PTPRG: variants seen among roughly 807,000 people sequenced by gnomAD.
PTPRG encodes the protein receptor-type tyrosine-protein phosphatase gamma.
In PTPRG, 102 loss-of-function variants were observed where a neutral mutation model predicts 165.3. The observed-to-expected ratio is 0.62, with a 90% CI of 0.53 to 0.73. The LOEUF is 0.73. Ranked by LOEUF, PTPRG falls within the 30% of genes least tolerant of loss-of-function variation. The pLI is 0.00. For synonymous variants in PTPRG, 675 were observed against 669.5 expected (o/e 1.01, Z -0.13); for missense variants, 1,866 against 1,861.4 (o/e 1.00, Z -0.05).
At chr3:61,859,944 T>C (rs1270561508) in intron 2 of PTPRG, among the ~76,000 whole-genome samples, 2 of 152,246 alleles carry the variant, frequency 1.3e-5, no homozygotes, top group Non-Finnish European at 2.9e-5. Flanking sequence ...AGTGTTTCAT[T>C]ATTCTTTCAT....
intron 2 of PTPRG, among the ~76,000 whole-genome samples, chr3:61,949,026 C>T (rs1052607305): frequency 7.8e-6 from 1 of 127,652 alleles, no homozygotes; most frequent in Admixed American, 8.1e-5. Context: ...AGGCACTTAA[C>T]AAAAAAGACA....
intron 2 of PTPRG, among the ~76,000 whole-genome samples, chr3:61,973,218 T>C (rs759586398): frequency 6.6e-6 from 1 of 152,206 alleles, no homozygotes; most frequent in African/African-American, 2.4e-5. Flanking sequence ...GCATTAGCAG[T>C]TTTACCTGCA....
intron 5 of PTPRG, among the ~76,000 whole-genome samples, chr3:62,101,556 T>C (rs1051245564): frequency 4.6e-5 from 7 of 152,380 alleles, no homozygotes; most frequent in African/African-American, 1.7e-4. Context: ...CACAAGTATC[T>C]GAAATGTTCA....
rs184079645 is a variant in PTPRG at position 61,659,774 on chromosome 3, C to T, written c.86-89104C>T. ...ACTTTTCATAACCGATTTACCTAAA[C>T]CAAATAATACTAGTTTTTAAATTCC... On this transcript the variant is annotated intron_variant, in intron 1 of 29. Transcript: ENST00000474889. 1.9e-3 allele frequency among the ~76,000 whole-genome samples: 283 copies of T among 152,160 alleles called. 1 individual carries two copies. The highest frequency in any genetic ancestry group is 6.6e-3 in the African/African-American group (272 of 41,490).
intron 5 of PTPRG, among the ~76,000 whole-genome samples, chr3:62,079,291 T>C (rs188153362): frequency 1.5e-3 from 224 of 152,264 alleles, no homozygotes; most frequent in African/African-American, 5.1e-3. Context: ...AGAGATCAGA[T>C]GAAAATTTGA....
chr3:61,841,012 C>T (rs1057219016), intron 2 of PTPRG, among the ~76,000 whole-genome samples: 12 of 152,042 alleles, frequency 7.9e-5, no homozygotes, highest in African/African-American at 2.9e-4. Flanking sequence ...GAACTCCTGA[C>T]CTCAAGTGAT....
intron 2 of PTPRG, among the ~76,000 whole-genome samples, chr3:61,813,736 C>T (rs1257334697): frequency 6.6e-6 from 1 of 151,980 alleles, no homozygotes; most frequent in Admixed American, 6.5e-5. Context: ...TTTATTCTAA[C>T]AAGCCTATGA....
At chr3:62,129,361 A>G (rs1157770511) in intron 5 of PTPRG, among the ~76,000 whole-genome samples, 1 of 152,194 alleles carries the variant, frequency 6.6e-6, no homozygotes, top group Non-Finnish European at 1.5e-5. Flanking sequence ...TGCATTAAAA[A>G]GTTCCTGTCG....
At chr3:61,790,592 C>T (rs1252052813) in intron 2 of PTPRG, among the ~76,000 whole-genome samples, 1 of 152,170 alleles carries the variant, frequency 6.6e-6, no homozygotes, top group Non-Finnish European at 1.5e-5. Flanking sequence ...TAGATGTATA[C>T]TTTCCCTATG....
intron 6 of PTPRG, among the ~76,000 whole-genome samples, chr3:62,142,814 T>G (rs1703979077): frequency 6.6e-6 from 1 of 152,208 alleles, no homozygotes; most frequent in Non-Finnish European, 1.5e-5. Context: ...GTGACAGGTT[T>G]AAACACAAAG....
chr3:62,092,376 G>C (rs1323690922), intron 5 of PTPRG, among the ~76,000 whole-genome samples: 1 of 146,866 alleles, frequency 6.8e-6, no homozygotes, highest in Non-Finnish European at 1.5e-5. Flanking sequence ...GGAGGCAGAG[G>C]TTTCAGTGAG....
chr3:61,781,970 A>G (rs2034561208), intron 2 of PTPRG, among the ~76,000 whole-genome samples: 1 of 150,934 alleles, frequency 6.6e-6, no homozygotes, highest in Non-Finnish European at 1.5e-5. Context: ...GGCTCAAGCA[A>G]TTCTCTTTCC....
intron 4 of PTPRG, among the ~76,000 whole-genome samples, chr3:62,023,417 C>T (rs1005480149): frequency 2.0e-5 from 3 of 152,106 alleles, no homozygotes; most frequent in Non-Finnish European, 4.4e-5. Context: ...CAGCCAAAGA[C>T]CCTGTTTTTT....
chr3:61,995,036 T>C (rs569005575), intron 3 of PTPRG, among the ~76,000 whole-genome samples: 1 of 151,732 alleles, frequency 6.6e-6, no homozygotes, highest in African/African-American at 2.4e-5. Flanking sequence ...TTTAGATGGG[T>C]ACCTTACAGG....
intron 2 of PTPRG, among the ~76,000 whole-genome samples, chr3:61,944,125 G>C (rs1239916872): frequency 6.6e-6 from 1 of 152,034 alleles, no homozygotes; most frequent in Non-Finnish European, 1.5e-5. Flanking sequence ...TGTTGTAGGG[G>C]CTTTCCTGTG....
chr3:62,138,714 C>CAAA (rs563632840), intron 6 of PTPRG, among the ~76,000 whole-genome samples: 4,414 of 90,136 alleles, frequency 0.049, 112 homozygotes, highest in East Asian at 0.2. Context: ...GGCAAAGCTC[C>CAAA]AAAAAAAAAA....
chr3:61,804,008 CA>C (rs750725441), intron 2 of PTPRG, among the ~76,000 whole-genome samples: 8 of 152,118 alleles, frequency 5.3e-5, no homozygotes, highest in Non-Finnish European at 1.0e-4. Context: ...CAAACAAGAC[CA>C]CATTCATTCA....
At chr3:62,085,018 G>C (rs1193668013) in intron 5 of PTPRG, among the ~76,000 whole-genome samples, 1 of 152,132 alleles carries the variant, frequency 6.6e-6, no homozygotes, top group Non-Finnish European at 1.5e-5. Flanking sequence ...AGGCATTAGG[G>C]GGTAGAGCCT....
intron 5 of PTPRG, chr3:62,124,751 A>G: frequency 2.0e-6 from 1 of 499,036 alleles, no homozygotes; most frequent in Non-Finnish European, 3.6e-6. Flanking sequence ...TCTTTTCTAG[A>G]GATGTTGTGT....
Sources: gnomAD v4.1 joint callset for allele counts (sites outside exome capture counted in the v4.1 genomes callset) on GRCh38, gnomAD v4.1.1 for gene constraint, MANE v1.5 for transcripts, NCBI Gene and HGNC (gene_info 2026-07-23, HGNC 2026-07-21) for gene names.